The following WDR7 variants were observed in gnomAD, a reference collection of about 807,000 sequenced individuals.
WDR7 encodes the protein WD repeat-containing protein 7.
WDR7 carries 46 observed loss-of-function variants against 169.4 expected under a neutral mutation model. The ratio of observed to expected loss-of-function variants is 0.27; its 90% CI spans 0.21 to 0.35. WDR7 has a LOEUF of 0.35. Ranked by LOEUF, WDR7 falls within the 10% of genes least tolerant of loss-of-function variation. The pLI, the probability that WDR7 is intolerant of heterozygous loss-of-function variation, is 1.00. For synonymous variants in WDR7, 612 were observed against 666.8 expected (o/e 0.92, Z 1.27); for missense variants, 1,534 against 1,859.3 (o/e 0.83, Z 3.22).
At chr18:56,717,528 G>A (rs539771275) in intron 12 of WDR7, among the ~76,000 whole-genome samples, 1 of 152,314 alleles carries the variant, frequency 6.6e-6, no homozygotes, top group Admixed American at 6.5e-5. Flanking sequence ...GATCAAAGGT[G>A]CAGGGAAGAG....
At chr18:56,924,139 T>C (rs768353425) in intron 22 of WDR7, 31 bp downstream of exon 22, 3 of 1,604,132 alleles carry the variant, frequency 1.9e-6, no homozygotes, top group South Asian at 2.3e-5. Flanking sequence ...ATTTAATTTG[T>C]CACTGTTTTT....
chr18:56,977,877 G>A (rs1016170450), intron 26 of WDR7, among the ~76,000 whole-genome samples: 1 of 152,154 alleles, frequency 6.6e-6, no homozygotes, highest in African/African-American at 2.4e-5. Context: ...GAAAGTCCCA[G>A]CAATATGGCA....
At chr18:56,860,297 T>C (rs2045784292) in intron 20 of WDR7, among the ~76,000 whole-genome samples, 2 of 152,226 alleles carry the variant, frequency 1.3e-5, no homozygotes, top group African/African-American at 2.4e-5. Flanking sequence ...TATGTAATCA[T>C]GAGTGCATGC....
chr18:56,688,743 A>C (rs570074754), intron 7 of WDR7, among the ~76,000 whole-genome samples: 3 of 151,566 alleles, frequency 2.0e-5, no homozygotes, highest in Admixed American at 2.0e-4. Flanking sequence ...AAAAAAAAAA[A>C]GGGGCAAGAG....
chr18:56,660,580 G>GAGAT (rs746421103), intron 1 of WDR7, among the ~76,000 whole-genome samples: 4 of 151,882 alleles, frequency 2.6e-5, no homozygotes, highest in Non-Finnish European at 5.9e-5. Flanking sequence ...GAGGCTTGAT[G>GAGAT]AGATCATTGA....
At chr18:56,780,500 G>T (rs2044301679) in intron 18 of WDR7, among the ~76,000 whole-genome samples, 1 of 152,100 alleles carries the variant, frequency 6.6e-6, no homozygotes, top group Non-Finnish European at 1.5e-5. Flanking sequence ...TTATTTAGAT[G>T]CTGCTAAGTT....
At chr18:57,032,421 T>C (rs999910679), downstream of WDR7, 1 of 152,210 alleles carries the variant, frequency 6.6e-6, no homozygotes, top group Non-Finnish European at 1.5e-5. Flanking sequence ...TCTTCCCAAA[T>C]TTGAAATGTA....
intron 12 of WDR7, among the ~76,000 whole-genome samples, chr18:56,712,677 C>T (rs1417450110): frequency 3.3e-5 from 5 of 152,150 alleles, no homozygotes. Context: ...CTGTAAAATA[C>T]TATCTAAGTT....
chr18:56,781,169 C>T (rs557952686), intron 18 of WDR7, among the ~76,000 whole-genome samples: 4 of 150,108 alleles, frequency 2.7e-5, no homozygotes, highest in African/African-American at 1.0e-4. Flanking sequence ...AGTGGCTTAA[C>T]AATAATGTTA....
At chr18:56,870,410 CATT>C (rs1166891725) in intron 20 of WDR7, among the ~76,000 whole-genome samples, 2 of 151,700 alleles carry the variant, frequency 1.3e-5, no homozygotes, top group Non-Finnish European at 2.9e-5. Flanking sequence ...ACATTTTTCT[CATT>C]ATAATTCTAA....
At chr18:56,758,771 G>C (rs755606970) in intron 15 of WDR7, 94 bp from the exon 16 acceptor site, 8 of 867,662 alleles carry the variant, frequency 9.2e-6, no homozygotes, top group Non-Finnish European at 1.3e-5. Flanking sequence ...TTTCTTTTGT[G>C]ATTCGTTTAG....
chr18:56,904,270 A>C (rs8082914), intron 21 of WDR7, among the ~76,000 whole-genome samples: 2,502 of 152,088 alleles, frequency 0.016, 72 homozygotes, highest in African/African-American at 0.055. Context: ...AGGTTTCACC[A>C]TGTTAGCCAG....
At chr18:56,877,373 A>G (rs2046038133) in intron 20 of WDR7, among the ~76,000 whole-genome samples, 2 of 152,168 alleles carry the variant, frequency 1.3e-5, no homozygotes, top group Admixed American at 6.6e-5. Context: ...GACTCCACAC[A>G]GGGAGTGTCT....
chr18:56,698,764 T>C (rs147828266), intron 12 of WDR7, among the ~76,000 whole-genome samples: 2 of 152,174 alleles, frequency 1.3e-5, no homozygotes, highest in Non-Finnish European at 2.9e-5. Flanking sequence ...CCAAAAGCGG[T>C]AGTTGGCCTG....
In WDR7 at chr18:56,686,840, AAT is replaced by A. The variant is rs2025453624; in HGVS notation, c.598-14_598-13del. 2.4e-6 allele frequency: 2 copies of A among 822,476 alleles called. No homozygotes were observed. Among genetic ancestry groups the A allele is most frequent in the African/African-American group, 2.1e-5 (1 of 47,960 alleles). The allele number at this position is 822,476 out of a possible 1,614,324, so 50.9% of individuals were successfully genotyped here. ...ATCATGCTATTCCTAAATTTTTACA[AAT>A]CTTTCTTTTCAGGATACTGAGCCAA... On this transcript the variant is annotated splice_polypyrimidine_tract_variant and intron_variant, in intron 6 of 27. Coordinates refer to ENST00000254442, the MANE Select transcript of WDR7 (RefSeq NM_015285.3).
At chr18:57,024,503 C>T (rs964208824) in intron 27 of WDR7, among the ~76,000 whole-genome samples, 2 of 151,766 alleles carry the variant, frequency 1.3e-5, no homozygotes, top group African/African-American at 4.8e-5. Flanking sequence ...ATGTTATGTC[C>T]CTTACAGGAT....
intron 20 of WDR7, among the ~76,000 whole-genome samples, chr18:56,868,257 T>G (rs533698967): frequency 1.3e-5 from 2 of 152,276 alleles, no homozygotes; most frequent in East Asian, 3.9e-4. Flanking sequence ...GTCATTGTTT[T>G]ATTATTGCGA....
intron 26 of WDR7, among the ~76,000 whole-genome samples, chr18:56,996,000 G>T (rs766529548): frequency 6.6e-6 from 1 of 152,066 alleles, no homozygotes; most frequent in Non-Finnish European, 1.5e-5. Flanking sequence ...TTTTTCAGGC[G>T]TAATGATTCC....
chr18:56,679,485 T>G, intron 3 of WDR7, 47 bp downstream of exon 3: 2 of 1,410,762 alleles, frequency 1.4e-6, no homozygotes, highest in African/African-American at 1.4e-5. Context: ...TCTTTATAAC[T>G]AGCACCAATG....
Sources: gnomAD v4.1 joint callset for allele counts (sites outside exome capture counted in the v4.1 genomes callset) on GRCh38, gnomAD v4.1.1 for gene constraint, MANE v1.5 for transcripts, NCBI Gene and HGNC (gene_info 2026-07-23, HGNC 2026-07-21) for gene names.